SNX1: variants seen among roughly 807,000 people sequenced by gnomAD.
SNX1 encodes sorting nexin-1.
SNX1 carries 36 observed loss-of-function variants against 71.8 expected under a neutral mutation model. That is an observed-to-expected ratio of 0.50 (90% CI 0.38 to 0.66). The LOEUF (loss-of-function observed/expected upper bound fraction) is 0.66. Ranked by LOEUF, SNX1 falls within the 30% of genes least tolerant of loss-of-function variation. The pLI is 0.00. For synonymous variants in SNX1, 254 were observed against 240.7 expected, an observed-to-expected ratio of 1.06 and a Z score of -0.51; for missense variants, 612 against 646.7, an observed-to-expected ratio of 0.95 and a Z score of 0.58.
At position 64,096,053 on chromosome 15, in the gene SNX1, C is replaced by T. The variant is rs370223175; in HGVS notation, c.40C>T (p.Leu14=). 42 of 1,591,240 alleles carry T rather than the reference C, an allele frequency of 2.6e-5. No individual in the cohort carries two copies. Among genetic ancestry groups the T allele is most frequent in the Non-Finnish European group, 3.6e-5 (42 of 1,172,802 alleles). ...TGGTGGCTGTAGCGCTTCGGAGAGACTGCCTCCGCCCTTCCCCGGCCTGGA... is the reference window on the plus strand; with the variant it reads ...TGGTGGCTGTAGCGCTTCGGAGAGATTGCCTCCGCCCTTCCCCGGCCTGGA... ...GGGGCSASER[L]PPPFPGLEPE... is the part of the protein sequence containing the mutation. The change falls in exon 1 of 15, where the codon CTG becomes TTG. Residue 14 remains leucine (L), a synonymous_variant. Transcript: ENST00000559844.
At chr15:64,121,143 T>A (rs2081192897) in intron 4 of SNX1, among the ~76,000 whole-genome samples, 1 of 152,248 alleles carries the variant, frequency 6.6e-6, no homozygotes, top group Non-Finnish European at 1.5e-5. Flanking sequence ...TGGAATAAGA[T>A]GAATGAATGG....
At chr15:64,121,886 G>T (rs1262967039) in intron 4 of SNX1, among the ~76,000 whole-genome samples, 1 of 152,108 alleles carries the variant, frequency 6.6e-6, no homozygotes, top group Admixed American at 6.5e-5. Flanking sequence ...TCTTGTTCCT[G>T]CACACGTCTA....
At chr15:64,116,412 T>G (rs185610658) in intron 2 of SNX1, among the ~76,000 whole-genome samples, 161 of 152,294 alleles carry the variant, frequency 1.1e-3, no homozygotes, top group African/African-American at 3.6e-3. Context: ...CTTGTTTGTT[T>G]TATACTCCCA....
Position 64,129,919 on chromosome 15 carries a change from C to A in SNX1, c.811C>A (p.Pro271Thr), listed in dbSNP as rs139810506. 1.3e-3 allele frequency: 2,095 copies of A among 1,613,082 alleles called. 3 individuals are homozygous for A. Among genetic ancestry groups the A allele is most frequent in the Non-Finnish European group, 1.7e-3 (1,973 of 1,179,100 alleles). ...CCCTGCCTTCTTGGTCTTGTAGCTGCCACGTGCCGTGGGTACCCAGACATT... is the reference window on the plus strand; with the variant it reads ...CCCTGCCTTCTTGGTCTTGTAGCTGACACGTGCCGTGGGTACCCAGACATT... ...VREFLEKEEL[P>T]RAVGTQTLSG... is the part of the protein sequence containing the mutation. Residue 271 changes from proline (P) to threonine (T), a missense_variant, in exon 9 of 15, where the codon CCA (proline) becomes ACA (threonine). Pro to Thr is a conservative substitution (Grantham distance 38). This residue lies in a region of SNX1 where 296 missense variants were observed against 361.9 expected (regional missense o/e 0.82). Transcript: ENST00000559844. The surrounding 1 kb of genome is among the most constrained non-coding windows in gnomAD (Gnocchi z 4.4).
chr15:64,105,919 A>G (rs537754614), intron 1 of SNX1, among the ~76,000 whole-genome samples: 16 of 152,252 alleles, frequency 1.1e-4, no homozygotes, highest in African/African-American at 3.9e-4. Context: ...CTGTGGGCCA[A>G]TTGGCAGGCC....
At chr15:64,100,039 G>A (rs145637947) in intron 1 of SNX1, among the ~76,000 whole-genome samples, 150 of 152,314 alleles carry the variant, frequency 9.8e-4, no homozygotes, top group African/African-American at 3.4e-3. Context: ...GCTAATTTAA[G>A]TTAATCTTCA....
At chr15:64,126,347 G>A (rs1014131627) in intron 6 of SNX1, 127 bp downstream of exon 6, 1 of 1,095,010 alleles carries the variant, frequency 9.1e-7, no homozygotes, top group African/African-American at 1.6e-5. Flanking sequence ...GACATTTCCA[G>A]TGTTTTCCTA....
At chr15:64,102,061 G>C (rs965214410) in intron 1 of SNX1, among the ~76,000 whole-genome samples, 2 of 152,008 alleles carry the variant, frequency 1.3e-5, no homozygotes, top group African/African-American at 4.8e-5. Context: ...AAAGAATAAT[G>C]CTTGTTAAAG....
chr15:64,137,477 G>C (rs2081370738), intron 14 of SNX1, 91 bp from the exon 15 acceptor site: 1 of 1,441,008 alleles, frequency 6.9e-7, no homozygotes, highest in South Asian at 1.2e-5. Flanking sequence ...CGCTTGGGGA[G>C]CGCCAGGGTA....
rs765397218 is a variant in SNX1 at position 64,096,013 on chromosome 15, G to C, written c.-1G>C. On this transcript the variant is annotated 5_prime_UTR_variant, in exon 1 of 15. Transcript: ENST00000559844. ...GCGGCTTCCGCCGCGGGTGGAAGAA[G>C]ATGGCGTCGGGTGGTGGTGGCTGTA... 2 of 1,596,526 alleles carry C rather than the reference G, an allele frequency of 1.3e-6. No individual in the cohort carries two copies. The highest frequency in any genetic ancestry group is 1.1e-5 in the South Asian group (1 of 88,890).
In SNX1 at chr15:64,126,069, T is replaced by C; in HGVS notation, c.511-10T>C. ...AATGAAATTGCCTTGTGTTTTTTCC[T>C]GTCCCCAAGACAAGCTTACCATTGT... On this transcript the variant is annotated splice_polypyrimidine_tract_variant and intron_variant, in intron 5 of 14. Coordinates refer to ENST00000559844, the MANE Select transcript of SNX1 (RefSeq NM_003099.5). The C allele has an allele frequency of 6.2e-7, 1 of 1,614,068 alleles. No individual in the cohort carries two copies. The highest frequency in any genetic ancestry group is 8.5e-7 in the Non-Finnish European group (1 of 1,179,978).
At position 64,134,499 on chromosome 15, in the gene SNX1, T is replaced by C. The variant is rs1316268196; in HGVS notation, c.1222-165T>C. Reference sequence around the variant, plus strand: ...TTGGAGAGGAGTCTTACCCAAGCTTTGCTCCTAGACATTAAACTTCCCAGC... The same window carrying C: ...TTGGAGAGGAGTCTTACCCAAGCTTCGCTCCTAGACATTAAACTTCCCAGC... On this transcript the variant is annotated intron_variant, in intron 11 of 14. Coordinates refer to ENST00000559844, the MANE Select transcript of SNX1 (RefSeq NM_003099.5). This position sits in a 1 kb window ranked among gnomAD's most constrained non-coding sequence, Gnocchi z 4.1. The C allele has an allele frequency of 9.6e-6, 7 of 725,662 alleles. No homozygotes were observed. The South Asian group carries it at 1.4e-4, about 14-fold the overall frequency. The allele number at this position is 725,662 out of a possible 1,614,324, so 45.0% of individuals were successfully genotyped here. A position where few individuals can be genotyped will look rare whatever the true frequency, so the allele number is the denominator to read the frequency against.
rs762163011 is a variant in SNX1, at chr15:64,137,569, T to C, written c.1520T>C (p.Leu507Pro). Residue 507 changes from leucine to proline, a missense_variant and splice_region_variant, in exon 15 of 15, where the codon CTG becomes CCG. This residue lies in a region of SNX1 where 296 missense variants were observed against 361.9 expected (regional missense o/e 0.82). Coordinates refer to ENST00000559844, the MANE Select transcript of SNX1 (RefSeq NM_003099.5). ...CTTAATGTCCCCACTTCTTTGCAGC[T>C]GGCAAAGTACTGGGAAGCCTTCCTT... ...LETLLYSQQQ[L>P]AKYWEAFLPE... The C allele has an allele frequency of 6.2e-7, 1 of 1,614,170 alleles. No homozygotes were observed. The highest frequency in any genetic ancestry group is 1.1e-5 in the South Asian group (1 of 91,082).
chr15:64,135,469 T>C (rs2140162108), intron 12 of SNX1, among the ~76,000 whole-genome samples: 1 of 146,132 alleles, frequency 6.8e-6, no homozygotes, highest in South Asian at 2.2e-4. Context: ...TACAAAAAAT[T>C]AGCCAGGGCT....
At chr15:64,130,600 C>T (rs1415192986) in intron 10 of SNX1, among the ~76,000 whole-genome samples, 2 of 152,206 alleles carry the variant, frequency 1.3e-5, no homozygotes, top group African/African-American at 4.8e-5. Context: ...TTGATTTTGA[C>T]TTGATGGCTT....
chr15:64,102,240 G>T (rs1303593408), intron 1 of SNX1, among the ~76,000 whole-genome samples: 2 of 152,010 alleles, frequency 1.3e-5, no homozygotes, highest in African/African-American at 4.8e-5. Context: ...ACTCAACGTG[G>T]TTATTGTATA....
chr15:64,112,390 A>G (rs1470053945), intron 1 of SNX1, among the ~76,000 whole-genome samples, 183 bp from the exon 2 acceptor site: 1 of 152,156 alleles, frequency 6.6e-6, no homozygotes, highest in African/African-American at 2.4e-5. Context: ...TTAACCCTAA[A>G]ATGTATGGAC....
At chr15:64,111,669 A>G (rs2081079436) in intron 1 of SNX1, 1 of 152,232 alleles carries the variant, frequency 6.6e-6, no homozygotes, top group South Asian at 2.1e-4. Flanking sequence ...TTGGGTCAGA[A>G]AAGGTCTGTC....
At position 64,134,493 on chromosome 15, in the gene SNX1, A is replaced by G; in HGVS notation, c.1222-171A>G. On this transcript the variant is annotated intron_variant, in intron 11 of 14. Coordinates refer to ENST00000559844, the MANE Select transcript of SNX1 (RefSeq NM_003099.5). This position sits in a 1 kb window ranked among gnomAD's most constrained non-coding sequence, Gnocchi z 4.1. ...GGAAGCTTGGAGAGGAGTCTTACCC[A>G]AGCTTTGCTCCTAGACATTAAACTT... The G allele has an allele frequency of 1.4e-6, 1 of 698,412 alleles. No individual in the cohort carries two copies. The highest frequency in any genetic ancestry group is 2.8e-5 in the East Asian group (1 of 35,262). 43.3% of individuals were successfully genotyped at this position (698,412 alleles called of 1,614,324 possible).
Sources: allele counts gnomAD v4.1 joint callset (sites outside exome capture counted in the v4.1 genomes callset), GRCh38; gene constraint gnomAD v4.1.1; regional missense constraint gnomAD v4.1.1; non-coding constraint Gnocchi (gnomAD v3.1); transcripts MANE v1.5; gene names NCBI Gene and HGNC (gene_info 2026-07-23, HGNC 2026-07-21).